RAF1: variants seen among roughly 807,000 people sequenced by gnomAD.
RAF1 encodes the protein RAF proto-oncogene serine/threonine-protein kinase.
In RAF1, 27 loss-of-function variants were observed where a neutral mutation model predicts 81.1. The observed-to-expected ratio is 0.33, with a 90% confidence interval of 0.25 to 0.46. The LOEUF (loss-of-function observed/expected upper bound fraction) is 0.46, where lower values mean the gene tolerates loss of function less well. Ranked by LOEUF, RAF1 falls within the 20% of genes least tolerant of loss-of-function variation. The probability of loss-of-function intolerance (pLI) is 1.00; values close to 1 mark genes in which losing one functional copy is unlikely to be tolerated. For synonymous variants in RAF1, 298 were observed against 294.0 expected (o/e 1.01, Z -0.14); for missense variants, 598 against 826.0 (o/e 0.72, Z 3.38).
intron 11 of RAF1, among the ~76,000 whole-genome samples, chr3:12,596,289 G>A (rs2058685685): frequency 1.3e-5 from 2 of 151,132 alleles, no homozygotes. Flanking sequence ...CGCCTCCTGG[G>A]TTCAAGCAAT....
At chr3:12,624,488 C>G (rs1035310369) in intron 1 of RAF1, among the ~76,000 whole-genome samples, 1 of 152,136 alleles carries the variant, frequency 6.6e-6, no homozygotes, top group Non-Finnish European at 1.5e-5. Context: ...GCTTTTAATA[C>G]TGTAATTTCT....
In RAF1 at chr3:12,606,249, G is replaced by C. The variant is rs2125406746; in HGVS notation, c.632C>G (p.Ser211Cys). The C allele has an allele frequency of 6.2e-7, 1 of 1,614,090 alleles. No individual in the cohort carries two copies. The highest frequency in any genetic ancestry group is 1.1e-5 in the South Asian group (1 of 91,084). The change falls in exon 6 of 18, where the codon TCT becomes TGT. Residue 211 changes from serine to cysteine, a missense_variant. Around this residue, in one of 5 missense-constraint regions of RAF1, gnomAD observed 194 missense variants for 202.7 expected, o/e 0.96. Transcript: ENST00000442415. ...CTCTCGCATACGACGCATAGTCAAA[G>C]AAGGTAGTGCTGGGACTCCACTATC...
intron 14 of RAF1, chr3:12,587,274 C>G: frequency 2.6e-6 from 1 of 383,702 alleles, no homozygotes; most frequent in Non-Finnish European, 4.7e-6. Context: ...CAATCCCCGT[C>G]AGGTTACATT....
intron 5 of RAF1, 79 bp from the exon 6 acceptor site, chr3:12,606,378 A>G (rs1328303320): frequency 3.9e-6 from 4 of 1,012,722 alleles, no homozygotes; most frequent in Admixed American, 2.0e-5. Flanking sequence ...TGCTTTTGCA[A>G]ACTCAGAGCT....
intron 1 of RAF1, among the ~76,000 whole-genome samples, chr3:12,628,795 A>C (rs2059785713): frequency 6.8e-6 from 1 of 147,006 alleles, no homozygotes; most frequent in Non-Finnish European, 1.5e-5. Context: ...TCTGTTGGCC[A>C]GGCTAGAGGG....
At chr3:12,650,189 G>A (rs1037254773) in intron 1 of RAF1, among the ~76,000 whole-genome samples, 1 of 149,572 alleles carries the variant, frequency 6.7e-6, no homozygotes, top group African/African-American at 2.5e-5. Flanking sequence ...ATCAGGCATG[G>A]TAGTCATGCC....
Position 12,608,552 on chromosome 3 carries a change from A to G in RAF1, c.581+214T>C, listed in dbSNP as rs1170990150. The stretch of plus-strand genomic sequence containing the variant: ...TATGTCAATCTCAATTTGACAGATA[A>G]CAAGTCCTACTCCTACCTGCTCATT... On this transcript the variant is annotated intron_variant, in intron 5 of 17. Transcript: ENST00000442415. 5 of 589,596 alleles carry G rather than the reference A, an allele frequency of 8.5e-6. No individual in the cohort carries two copies. The Admixed American group carries it at 1.2e-4, about 14-fold the overall frequency. The allele number at this position is 589,596 out of a possible 1,614,324, so 36.5% of individuals were successfully genotyped here. A position where few individuals can be genotyped will look rare whatever the true frequency, so the allele number is the denominator to read the frequency against.
intron 11 of RAF1, among the ~76,000 whole-genome samples, chr3:12,598,297 C>T (rs1381923373): frequency 6.6e-6 from 1 of 152,144 alleles, no homozygotes; most frequent in Non-Finnish European, 1.5e-5. Context: ...AGGCGTGAGC[C>T]ACCCTGCCCA....
At chr3:12,590,678 G>A in intron 13 of RAF1, 120 bp downstream of exon 12, 1 of 1,186,202 alleles carries the variant, frequency 8.4e-7, no homozygotes, top group Non-Finnish European at 1.2e-6. Context: ...CAGGCCAGAG[G>A]CTTGTGCAAA....
chr3:12,637,016 T>C (rs2060051939), intron 1 of RAF1, among the ~76,000 whole-genome samples: 1 of 152,146 alleles, frequency 6.6e-6, no homozygotes, highest in African/African-American at 2.4e-5. Flanking sequence ...CAAACTTCAC[T>C]GAATTGCAGT....
At chr3:12,624,424 T>G (rs1293696402) in intron 1 of RAF1, among the ~76,000 whole-genome samples, 1 of 152,280 alleles carries the variant, frequency 6.6e-6, no homozygotes, top group Admixed American at 6.5e-5. Context: ...CAATCTTAAA[T>G]GGAGATAATC....
chr3:12,606,238 G>C lies in RAF1; in HGVS notation c.643C>G (p.Arg215Gly), dbSNP rs773051648. The C allele has an allele frequency of 1.2e-6, 2 of 1,613,856 alleles. No individual in the cohort carries two copies. Among genetic ancestry groups the C allele is most frequent in the South Asian group, 1.1e-5 (1 of 91,072 alleles). Residue 215 changes from arginine (R) to glycine (G), a missense_variant, in exon 6 of 18, where the codon CGT becomes GGT. By Grantham distance (125) the Arg-to-Gly change is moderately radical (BLOSUM62 -2). This residue lies in a region of RAF1 where 194 missense variants were observed against 202.7 expected (regional missense o/e 0.96). Coordinates refer to ENST00000442415, the MANE Select transcript of RAF1 (RefSeq NM_001354689.3). ...CTGGAAACAGACTCTCGCATACGAC[G>C]CATAGTCAAAGAAGGTAGTGCTGGG...
intron 2 of RAF1, among the ~76,000 whole-genome samples, chr3:12,615,975 C>T (rs1039381078): frequency 6.6e-6 from 1 of 152,022 alleles, no homozygotes; most frequent in African/African-American, 2.4e-5. Context: ...TCGCTTGAAC[C>T]TGGGAGGTAG....
At chr3:12,589,754 G>T (rs891788170) in intron 13 of RAF1, 1 of 151,618 alleles carries the variant, frequency 6.6e-6, no homozygotes, top group Non-Finnish European at 1.5e-5. Flanking sequence ...GACAGAGTGA[G>T]AACCTGTGTC....
At chr3:12,593,608 G>A (rs77659565) in intron 11 of RAF1, among the ~76,000 whole-genome samples, 2,249 of 152,148 alleles carry the variant, frequency 0.015, 53 homozygotes, top group African/African-American at 0.048. Context: ...CACTATGTTT[G>A]GAGCTACCTT....
intron 1 of RAF1, among the ~76,000 whole-genome samples, chr3:12,651,126 C>G (rs1032719722): frequency 2.6e-5 from 4 of 152,132 alleles, no homozygotes; most frequent in Admixed American, 1.3e-4. Context: ...AAATAGCAAG[C>G]CTTTTTACTT....
chr3:12,591,196 G>A (rs2125344771), intron 12 of RAF1, among the ~76,000 whole-genome samples: 1 of 152,232 alleles, frequency 6.6e-6, no homozygotes, highest in Admixed American at 6.5e-5. Flanking sequence ...TTCAGTGCCA[G>A]CCTTGCTTAC....
chr3:12,591,083 C>A, intron 12 of RAF1, 109 bp from the exon 12 acceptor site: 1 of 995,986 alleles, frequency 1.0e-6, no homozygotes. Context: ...ACCCCCAGTC[C>A]CAACACCACC....
chr3:12,649,878 G>A (rs1434128141), intron 1 of RAF1, among the ~76,000 whole-genome samples: 1 of 152,000 alleles, frequency 6.6e-6, no homozygotes, highest in African/African-American at 2.4e-5. Context: ...CAGGCACAGT[G>A]GCTCATGCCT....
Sources: gnomAD v4.1 joint callset for allele counts (sites outside exome capture counted in the v4.1 genomes callset) on GRCh38, gnomAD v4.1.1 for gene constraint, gnomAD v4.1.1 regional missense constraint, MANE v1.5 for transcripts, NCBI Gene and HGNC (gene_info 2026-07-23, HGNC 2026-07-21) for gene names.